The following WASL variants were observed in gnomAD, a reference collection of about 807,000 sequenced individuals.
The protein encoded by WASL is actin nucleation-promoting factor WASL.
WASL carries 20 observed loss-of-function variants against 55.5 expected under a neutral mutation model. That is an observed-to-expected ratio of 0.36 (90% CI 0.25 to 0.52). The LOEUF (loss-of-function observed/expected upper bound fraction) is 0.52. WASL is among the 20% of genes least tolerant of loss of function. WASL has a pLI of 0.92. For synonymous variants in WASL, 249 were observed against 217.6 expected (o/e 1.14, Z -1.27); for missense variants, 504 against 622.5 (o/e 0.81, Z 2.03).
intron 5 of WASL, among the ~76,000 whole-genome samples, chr7:123,700,689 C>T (rs1265650597): frequency 6.6e-6 from 1 of 152,162 alleles, no homozygotes; most frequent in African/African-American, 2.4e-5. Flanking sequence ...CCACCTGCCT[C>T]GGCCTCCCAA....
At chr7:123,721,260 G>A (rs1289489991) in intron 1 of WASL, among the ~76,000 whole-genome samples, 6 of 152,044 alleles carry the variant, frequency 3.9e-5, no homozygotes, top group African/African-American at 1.4e-4. Context: ...AAGCATTTAA[G>A]GACAGTCACA....
intron 1 of WASL, among the ~76,000 whole-genome samples, chr7:123,743,366 A>T (rs1167936934): frequency 1.3e-5 from 2 of 151,342 alleles, no homozygotes; most frequent in African/African-American, 4.9e-5. Context: ...ATTCCTGTTC[A>T]TATTCACAAT....
rs981507643 is a variant in WASL, at chr7:123,721,051, G to A, written c.118-11828C>T. On this transcript the variant is annotated intron_variant, in intron 1 of 10. Coordinates refer to ENST00000223023, the MANE Select transcript of WASL (RefSeq NM_003941.4). The stretch of plus-strand genomic sequence containing the variant: ...GAATAACATACTACAGTGCCTAGGG[G>A]CTTAAACTAATAAAAAGCAAACTCT... Among the ~76,000 whole-genome samples, 3 of 152,218 alleles carry A rather than the reference G, an allele frequency of 2.0e-5. No homozygotes were observed. In the East Asian group the frequency reaches 5.8e-4, roughly 29 times the overall value.
rs763137898 is a variant in WASL at position 123,696,650 on chromosome 7, T to C, written c.558A>G (p.Lys186=). 5 of 1,605,092 alleles carry C rather than the reference T, an allele frequency of 3.1e-6. No individual in the cohort carries two copies. The highest frequency in any genetic ancestry group is 4.3e-6 in the Non-Finnish European group (5 of 1,175,504). The change falls in exon 6 of 11, where the codon AAA becomes AAG. Residue 186 remains lysine (K), a synonymous_variant. Transcript: ENST00000223023. The part of the protein sequence containing the change: ...GPQVNNISHT[K]EKKKGKAKKK... Reference sequence around the variant, plus strand: ...TTTTAGCTTTTCCCTTCTTCTTTTCTTTGGTATGGGAGATGTTGTTGACTT... The same window carrying C: ...TTTTAGCTTTTCCCTTCTTCTTTTCCTTGGTATGGGAGATGTTGTTGACTT...
chr7:123,735,728 A>T (rs1804217437), intron 1 of WASL, among the ~76,000 whole-genome samples: 2 of 152,156 alleles, frequency 1.3e-5, no homozygotes, highest in Non-Finnish European at 2.9e-5. Context: ...AACAACTGCT[A>T]TCCGAAAGAA....
intron 1 of WASL, among the ~76,000 whole-genome samples, chr7:123,728,182 CA>C (rs1804081994): frequency 6.6e-6 from 1 of 151,782 alleles, no homozygotes; most frequent in African/African-American, 2.4e-5. Flanking sequence ...GAATGAAATA[CA>C]AAAAAATAAA....
chr7:123,743,762 T>C (rs528149027), intron 1 of WASL, among the ~76,000 whole-genome samples: 3 of 152,218 alleles, frequency 2.0e-5, no homozygotes, highest in African/African-American at 7.2e-5. Flanking sequence ...TTTGAAATCC[T>C]TGACTAAGCC....
chr7:123,738,460 C>T (rs1009561990), intron 1 of WASL, among the ~76,000 whole-genome samples: 11 of 152,280 alleles, frequency 7.2e-5, no homozygotes, highest in African/African-American at 2.4e-4. Context: ...CTCCCACAGC[C>T]GCAATAATCA....
intron 1 of WASL, among the ~76,000 whole-genome samples, chr7:123,714,601 C>A (rs1803808363): frequency 6.6e-6 from 1 of 152,082 alleles, no homozygotes; most frequent in South Asian, 2.1e-4. Context: ...AATTTCTCTG[C>A]CAGACATATT....
intron 1 of WASL, among the ~76,000 whole-genome samples, chr7:123,715,452 A>G (rs1046900203): frequency 2.6e-5 from 4 of 152,224 alleles, no homozygotes; most frequent in African/African-American, 9.6e-5. Flanking sequence ...TATAAGTCAC[A>G]AAGTCATTAG....
intron 1 of WASL, among the ~76,000 whole-genome samples, chr7:123,744,206 CTA>C (rs987096788): frequency 1.3e-5 from 2 of 152,156 alleles, no homozygotes; most frequent in African/African-American, 4.8e-5. Context: ...CTGTTACCAC[CTA>C]TATTAGTTCA....
intron 7 of WASL, 127 bp from the exon 8 acceptor site, chr7:123,694,995 GCTAA>G (rs1343951651): frequency 3.2e-5 from 28 of 881,564 alleles, no homozygotes; most frequent in African/African-American, 3.1e-4. Context: ...TTACTTATGT[GCTAA>G]CTAAAATATT....
chr7:123,733,663 C>T (rs1044871842), intron 1 of WASL, among the ~76,000 whole-genome samples: 1 of 152,028 alleles, frequency 6.6e-6, no homozygotes, highest in Non-Finnish European at 1.5e-5. Context: ...ATAGTCAACA[C>T]AATGCTGAAG....
At chr7:123,707,245 C>T (rs1402850863) in intron 2 of WASL, among the ~76,000 whole-genome samples, 2 of 152,178 alleles carry the variant, frequency 1.3e-5, no homozygotes, top group African/African-American at 4.8e-5. Context: ...CTATCAAACA[C>T]TGCAGGAATA....
At chr7:123,742,069 A>G (rs1012140764) in intron 1 of WASL, among the ~76,000 whole-genome samples, 3 of 152,236 alleles carry the variant, frequency 2.0e-5, no homozygotes, top group Non-Finnish European at 4.4e-5. Context: ...ATGGCCAAAG[A>G]GTGACTGGCA....
chr7:123,735,566 G>T (rs1345917033), intron 1 of WASL, among the ~76,000 whole-genome samples: 2 of 151,982 alleles, frequency 1.3e-5, no homozygotes, highest in Non-Finnish European at 2.9e-5. Flanking sequence ...TCAAAATGTA[G>T]CTAGAGCAAA....
chr7:123,704,265 G>A (rs576453480), intron 5 of WASL, among the ~76,000 whole-genome samples: 9 of 152,216 alleles, frequency 5.9e-5, no homozygotes, highest in Middle Eastern at 3.4e-3. Flanking sequence ...AAATATTCTA[G>A]ACAAAATGTA....
chr7:123,744,013 T>G (rs558202837), intron 1 of WASL, among the ~76,000 whole-genome samples: 2 of 152,338 alleles, frequency 1.3e-5, no homozygotes, highest in South Asian at 4.1e-4. Context: ...GAATTTTAAC[T>G]TTTATCTTTC....
intron 1 of WASL, among the ~76,000 whole-genome samples, chr7:123,728,861 C>CA (rs769400449): frequency 1.4e-4 from 22 of 151,986 alleles, no homozygotes; most frequent in Non-Finnish European, 3.1e-4. Flanking sequence ...GACTCTGTCT[C>CA]AAAAAACAAA....
Sources: gnomAD v4.1 joint callset for allele counts (sites outside exome capture counted in the v4.1 genomes callset) on GRCh38, gnomAD v4.1.1 for gene constraint, MANE v1.5 for transcripts, NCBI Gene and HGNC (gene_info 2026-07-23, HGNC 2026-07-21) for gene names.